SLC24A2: variants seen among roughly 807,000 people sequenced by gnomAD.
SLC24A2 encodes the protein solute carrier family 24 member 2, also known as sodium/potassium/calcium exchanger 2.
Under a neutral mutation model 62.0 loss-of-function variants are expected in SLC24A2, and 36 were observed. The observed-to-expected ratio is 0.58, with a 90% CI of 0.44 to 0.77. SLC24A2 has a LOEUF of 0.77. SLC24A2 is among the 30% of genes least tolerant of loss of function. SLC24A2 has a pLI of 0.00. For missense variants in SLC24A2, 846 were observed against 817.9 expected (o/e 1.03, Z -0.42); for synonymous variants, 358 against 294.0 (o/e 1.22, Z -2.23).
intron 6 of SLC24A2, among the ~76,000 whole-genome samples, chr9:19,574,006 T>C (rs964714795): frequency 2.6e-5 from 4 of 152,232 alleles, no homozygotes; most frequent in Admixed American, 6.5e-5. Flanking sequence ...TCCTAGACTT[T>C]ACCCTGCTTT....
chr9:19,935,050 A>T, the SLC24A2 span, among the ~76,000 whole-genome samples: 6 of 151,198 alleles, frequency 4.0e-5, no homozygotes, highest in Non-Finnish European at 7.4e-5. Flanking sequence ...TATTTATTTT[A>T]TTTTATTTTA....
At chr9:20,006,966 T>C in the SLC24A2 span, among the ~76,000 whole-genome samples, 1 of 152,132 alleles carries the variant, frequency 6.6e-6, no homozygotes, top group Non-Finnish European at 1.5e-5. Flanking sequence ...CAAAAGTGAG[T>C]GCTCAGTAAG....
At chr9:20,294,833 T>C in the SLC24A2 span, among the ~76,000 whole-genome samples, 2 of 152,124 alleles carry the variant, frequency 1.3e-5, no homozygotes, top group Non-Finnish European at 2.9e-5. Flanking sequence ...AACATTGGTA[T>C]AACATCAAAG....
intron 2 of SLC24A2, among the ~76,000 whole-genome samples, chr9:19,660,636 A>C (rs970186722): frequency 2.0e-5 from 3 of 152,194 alleles, no homozygotes; most frequent in Admixed American, 2.0e-4. Flanking sequence ...CAGGGAAAGC[A>C]CTGTATTAGT....
At chr9:19,669,286 G>A (rs953642356) in intron 2 of SLC24A2, among the ~76,000 whole-genome samples, 3 of 152,154 alleles carry the variant, frequency 2.0e-5, no homozygotes, top group African/African-American at 7.2e-5. Flanking sequence ...AAATGTGTGA[G>A]TGGGTTGGGT....
chr9:19,636,733 CAGTACTAGGGTTTTTAAT>C (rs1471165932), intron 2 of SLC24A2, among the ~76,000 whole-genome samples: 2 of 152,018 alleles, frequency 1.3e-5, no homozygotes, highest in Non-Finnish European at 2.9e-5. Context: ...CACGCCTGGC[CAGTACTAGGGTTTTTAAT>C]TTGGAAACTA....
At chr9:20,237,604 T>A in the SLC24A2 span, among the ~76,000 whole-genome samples, 1 of 152,228 alleles carries the variant, frequency 6.6e-6, no homozygotes, top group Non-Finnish European at 1.5e-5. Flanking sequence ...TTGGGAATGA[T>A]GTGCATTTCT....
intron 8 of SLC24A2, among the ~76,000 whole-genome samples, 188 bp from the exon 9 acceptor site, chr9:19,528,326 G>A (rs1279336341): frequency 6.6e-6 from 1 of 152,166 alleles, no homozygotes; most frequent in African/African-American, 2.4e-5. Context: ...TTGGAGATGT[G>A]AAATTGATAG....
At chr9:19,860,694 G>A in the SLC24A2 span, among the ~76,000 whole-genome samples, 409 of 152,238 alleles carry the variant, frequency 2.7e-3, 1 homozygote, top group Admixed American at 4.8e-3. Flanking sequence ...GACCTGCCCT[G>A]GGCCAGAGGG....
the SLC24A2 span, among the ~76,000 whole-genome samples, chr9:20,258,866 A>ATCCATCCG: frequency 1.8e-5 from 1 of 55,006 alleles, no homozygotes; most frequent in Non-Finnish European, 3.6e-5. Context: ...ATGTCTATCT[A>ATCCATCCG]TCCATCCATC....
At chr9:19,592,731 C>T (rs1836595068) in intron 5 of SLC24A2, among the ~76,000 whole-genome samples, 1 of 152,100 alleles carries the variant, frequency 6.6e-6, no homozygotes, top group Non-Finnish European at 1.5e-5. Flanking sequence ...GGAAAAGAGC[C>T]ACGTTCAATT....
the SLC24A2 span, among the ~76,000 whole-genome samples, chr9:20,094,679 TA>T: frequency 5.3e-5 from 8 of 152,168 alleles, no homozygotes; most frequent in Admixed American, 1.3e-4. Flanking sequence ...AGGAAAAGTG[TA>T]AAAATTCAAA....
chr9:19,834,647 T>C, the SLC24A2 span, among the ~76,000 whole-genome samples: 15 of 151,776 alleles, frequency 9.9e-5, no homozygotes, highest in African/African-American at 3.4e-4. Flanking sequence ...CTGGAAAACA[T>C]TCTGCAGGAT....
At chr9:20,052,456 T>C in the SLC24A2 span, among the ~76,000 whole-genome samples, 1 of 152,226 alleles carries the variant, frequency 6.6e-6, no homozygotes, top group African/African-American at 2.4e-5. Context: ...ATTAACACTG[T>C]AGTTGTAAAA....
At chr9:20,221,076 A>G in the SLC24A2 span, among the ~76,000 whole-genome samples, 1 of 152,178 alleles carries the variant, frequency 6.6e-6, no homozygotes, top group African/African-American at 2.4e-5. Context: ...CAGAGCTTAT[A>G]GAGTGGTGAG....
At chr9:19,900,100 C>T in the SLC24A2 span, among the ~76,000 whole-genome samples, 27 of 152,190 alleles carry the variant, frequency 1.8e-4, no homozygotes, top group Non-Finnish European at 3.1e-4. Context: ...CAGTCTGTCT[C>T]TAGGAGTCTG....
the SLC24A2 span, among the ~76,000 whole-genome samples, chr9:20,031,629 G>A: frequency 3.9e-5 from 6 of 152,068 alleles, no homozygotes; most frequent in Non-Finnish European, 5.9e-5. Context: ...AGTTATGTGA[G>A]GGTTCACTGA....
the SLC24A2 span, among the ~76,000 whole-genome samples, chr9:20,237,420 A>G: frequency 6.6e-6 from 1 of 152,202 alleles, no homozygotes; most frequent in South Asian, 2.1e-4. Context: ...GTTGGGGCCC[A>G]GGTCTTTCTG....
At chr9:20,010,719 C>T in the SLC24A2 span, among the ~76,000 whole-genome samples, 1 of 151,680 alleles carries the variant, frequency 6.6e-6, no homozygotes, top group South Asian at 2.1e-4. Context: ...GTTAACTCGT[C>T]ATTTACATTA....
Sources: gnomAD v4.1 joint callset for allele counts (sites outside exome capture counted in the v4.1 genomes callset) on GRCh38, gnomAD v4.1.1 for gene constraint, MANE v1.5 for transcripts, NCBI Gene and HGNC (gene_info 2026-07-23, HGNC 2026-07-21) for gene names.